Variants in POU2F1 observed in about 807,000 individuals in gnomAD.
The protein encoded by POU2F1 is POU class 2 homeobox 1, also known as POU domain, class 2, transcription factor 1.
Under a neutral mutation model 84.9 loss-of-function variants are expected in POU2F1, and 16 were observed. That is an observed-to-expected ratio of 0.19 (90% CI 0.13 to 0.29). The LOEUF is 0.29. Ranked by LOEUF, POU2F1 falls within the 10% of genes least tolerant of loss-of-function variation. The probability of loss-of-function intolerance (pLI) is 1.00; values close to 1 mark genes in which losing one functional copy is unlikely to be tolerated. For synonymous variants in POU2F1, 368 were observed against 368.3 expected (o/e 1.00, Z 0.01); for missense variants, 738 against 942.6 (o/e 0.78, Z 2.84).
intron 1 of POU2F1, among the ~76,000 whole-genome samples, chr1:167,241,181 T>A (rs935122219): frequency 6.6e-5 from 10 of 152,060 alleles, no homozygotes; most frequent in Admixed American, 5.2e-4. Flanking sequence ...CTGAAAAAGT[T>A]CTCACCCAGG....
At chr1:167,359,315 G>A (rs180842175) in intron 2 of POU2F1, among the ~76,000 whole-genome samples, 110 of 152,256 alleles carry the variant, frequency 7.2e-4, no homozygotes, top group Non-Finnish European at 1.5e-3. Context: ...AGCAAACCTA[G>A]TACCGTAGGT....
At chr1:167,229,875 A>G (rs1439149854) in intron 1 of POU2F1, among the ~76,000 whole-genome samples, 1 of 152,192 alleles carries the variant, frequency 6.6e-6, no homozygotes, top group Admixed American at 6.5e-5. Flanking sequence ...GCATTGTAGC[A>G]AATACAACTT....
rs981498084 is a variant in POU2F1, at chr1:167,419,622, G to A, written c.*3812G>A. ...ACTATGTTGTTCTAAGAAAAAATAA[G>A]TTGAGTGCTGTATTAGTTTAAGTGT... On this transcript the variant is annotated 3_prime_UTR_variant, in exon 16 of 16. Coordinates refer to ENST00000367866, the MANE Select transcript of POU2F1 (RefSeq NM_002697.4). The A allele has an allele frequency of 7.2e-5, 11 of 152,188 alleles. No homozygotes were observed. Among genetic ancestry groups the A allele is most frequent in the Non-Finnish European group, 1.5e-5 (1 of 68,036 alleles). 9.4% of individuals were successfully genotyped at this position (152,188 alleles called of 1,614,324 possible). A position where few individuals can be genotyped will look rare whatever the true frequency, so the allele number is the denominator to read the frequency against.
At chr1:167,390,070 G>A (rs1276268723) in intron 9 of POU2F1, among the ~76,000 whole-genome samples, 1 of 152,160 alleles carries the variant, frequency 6.6e-6, no homozygotes, top group Non-Finnish European at 1.5e-5. Context: ...ATAATTTGGA[G>A]GACTTGAGCA....
At chr1:167,244,806 A>G (rs1237273821) in intron 1 of POU2F1, among the ~76,000 whole-genome samples, 1 of 152,206 alleles carries the variant, frequency 6.6e-6, no homozygotes, top group Non-Finnish European at 1.5e-5. Flanking sequence ...TGGAACATGT[A>G]TGGGAGATAT....
chr1:167,244,498 T>C (rs1315630007), intron 1 of POU2F1, among the ~76,000 whole-genome samples: 2 of 152,236 alleles, frequency 1.3e-5, no homozygotes, highest in African/African-American at 4.8e-5. Flanking sequence ...GTGTTCCAGC[T>C]GGAAAGGAGT....
At position 167,417,204 on chromosome 1, in the gene POU2F1, C is replaced by T. The variant is rs967279436; in HGVS notation, c.*1394C>T. On this transcript the variant is annotated 3_prime_UTR_variant, in exon 16 of 16. Coordinates refer to ENST00000367866, the MANE Select transcript of POU2F1 (RefSeq NM_002697.4). Reference sequence around the variant, plus strand: ...AAATTCCTCTAACCCTGAGATTCTTCTTGGTTCTCTGACTAAAGGAGGCAC... The same window carrying T: ...AAATTCCTCTAACCCTGAGATTCTTTTTGGTTCTCTGACTAAAGGAGGCAC... 6.6e-6 allele frequency: 1 copy of T among 152,204 alleles called. No homozygotes were observed. Among genetic ancestry groups the T allele is most frequent in the Non-Finnish European group, 1.5e-5 (1 of 68,044 alleles). The allele number at this position is 152,204 out of a possible 1,614,324, so 9.4% of individuals were successfully genotyped here.
chr1:167,285,400 C>G (rs562462002), intron 1 of POU2F1, among the ~76,000 whole-genome samples: 1 of 152,006 alleles, frequency 6.6e-6, no homozygotes, highest in East Asian at 1.9e-4. Context: ...GTCAGGAGAT[C>G]GAGACCATGG....
chr1:167,220,895 A>G lies in POU2F1; in HGVS notation c.-3A>G, dbSNP rs1648054579. ...CCGGGCGATTTTGGTTAAAATATTC[A>G]AAATGGCGGACGGAGGAGCAGCGAG... On this transcript the variant is annotated 5_prime_UTR_variant, in exon 1 of 16. Coordinates refer to ENST00000367866, the MANE Select transcript of POU2F1 (RefSeq NM_002697.4). 6.5e-7 allele frequency: 1 copy of G among 1,534,944 alleles called. No homozygotes were observed. Among genetic ancestry groups the G allele is most frequent in the Non-Finnish European group, 8.7e-7 (1 of 1,146,680 alleles).
At chr1:167,272,485 G>A (rs2102471998) in intron 1 of POU2F1, among the ~76,000 whole-genome samples, 1 of 152,062 alleles carries the variant, frequency 6.6e-6, no homozygotes, top group South Asian at 2.1e-4. Flanking sequence ...AAAGAAAAGA[G>A]GTTTAATTGG....
chr1:167,220,995 C>T (rs1431640494), intron 1 of POU2F1, 37 bp downstream of exon 1: 4 of 1,511,042 alleles, frequency 2.6e-6, no homozygotes, highest in African/African-American at 2.8e-5. Flanking sequence ...CATATTCATA[C>T]TCAACCCCGG....
intron 11 of POU2F1, among the ~76,000 whole-genome samples, chr1:167,398,515 C>T (rs1388847774): frequency 6.6e-6 from 1 of 152,110 alleles, no homozygotes. Context: ...TATGAGGAGA[C>T]ACTCTAGTAG....
intron 1 of POU2F1, chr1:167,257,886 C>G (rs1651264794): frequency 6.6e-6 from 1 of 151,702 alleles, no homozygotes; most frequent in Non-Finnish European, 1.5e-5. Context: ...GTGATTCTTC[C>G]TCCTCAGCCT....
intron 7 of POU2F1, among the ~76,000 whole-genome samples, chr1:167,376,362 A>G (rs1421363162): frequency 6.6e-6 from 1 of 152,256 alleles, no homozygotes; most frequent in East Asian, 1.9e-4. Flanking sequence ...CTGAACTGCC[A>G]TTCATCTGCT....
chr1:167,291,350 T>G (rs1371628891), intron 1 of POU2F1, among the ~76,000 whole-genome samples: 1 of 152,220 alleles, frequency 6.6e-6, no homozygotes, highest in Non-Finnish European at 1.5e-5. Context: ...TATGTTAGAT[T>G]TGATTCTAAA....
At chr1:167,373,028 G>C (rs1660108468) in intron 5 of POU2F1, among the ~76,000 whole-genome samples, 1 of 151,860 alleles carries the variant, frequency 6.6e-6, no homozygotes, top group South Asian at 2.1e-4. Flanking sequence ...AAAATCCCAT[G>C]AGTAGAGATG....
At chr1:167,255,070 G>A (rs1651031418) in intron 1 of POU2F1, among the ~76,000 whole-genome samples, 1 of 152,290 alleles carries the variant, frequency 6.6e-6, no homozygotes, top group South Asian at 2.1e-4. Flanking sequence ...TTGGTGTGGT[G>A]TAAGTTCAGG....
chr1:167,274,880 C>G (rs1652613393), intron 1 of POU2F1, among the ~76,000 whole-genome samples: 1 of 152,082 alleles, frequency 6.6e-6, no homozygotes, highest in East Asian at 1.9e-4. Context: ...CTCTCATTTT[C>G]CTTTACAGCT....
intron 2 of POU2F1, chr1:167,338,148 C>T (rs751413736): frequency 4.3e-6 from 2 of 467,402 alleles, no homozygotes; most frequent in Non-Finnish European, 8.8e-6. Flanking sequence ...AGCTTTTTGT[C>T]TTCTGCCATT....
Sources: gnomAD v4.1 joint callset for allele counts (sites outside exome capture counted in the v4.1 genomes callset) on GRCh38, gnomAD v4.1.1 for gene constraint, MANE v1.5 for transcripts, NCBI Gene and HGNC (gene_info 2026-07-23, HGNC 2026-07-21) for gene names.